Variants in LRRTM1 observed in about 807,000 individuals in gnomAD.
LRRTM1 encodes leucine-rich repeat transmembrane neuronal protein 1.
A neutral mutation model predicts 37.3 loss-of-function variants in LRRTM1; 8 were observed. That is an observed-to-expected ratio of 0.21 (90% confidence interval 0.13 to 0.39). The LOEUF is 0.39. LRRTM1 is among the 10% of genes least tolerant of loss of function. The pLI is 1.00. For missense variants in LRRTM1, 557 were observed against 691.0 expected (o/e 0.81, Z 2.17); for synonymous variants, 326 against 316.8 (o/e 1.03, Z -0.31).
chr2:80,304,081 G>T, intron 1 of LRRTM1, 71 bp downstream of exon 1: 1 of 390,396 alleles, frequency 2.6e-6, no homozygotes. Flanking sequence ...CATGTTAGAT[G>T]CTGCAGCAAA....
chr2:80,303,103 G>A lies in LRRTM1; in HGVS notation c.717C>T (p.Cys239=). 1 of 1,614,110 alleles carries A rather than the reference G, an allele frequency of 6.2e-7. No individual in the cohort carries two copies. The highest frequency in any genetic ancestry group is 8.5e-7 in the Non-Finnish European group (1 of 1,180,044). The stretch of plus-strand genomic sequence containing the variant: ...CAATGGCCACCTTGTTCCTCCGCAG[G>A]CAGAGCGAGTGCAGGGAGATGAGGC... ...FPRLISLHSL[C]LRRNKVAIVV... The change falls in exon 2 of 2, where the codon TGC becomes TGT. Residue 239 remains cysteine (C), a synonymous_variant. Coordinates refer to ENST00000295057, the MANE Select transcript of LRRTM1 (RefSeq NM_178839.5). This position sits in a 1 kb window ranked among gnomAD's most constrained non-coding sequence, Gnocchi z 7.7.
At chr2:80,292,796 T>A (rs1675380341) in intron 2 of LRRTM1, among the ~76,000 whole-genome samples, 1 of 152,246 alleles carries the variant, frequency 6.6e-6, no homozygotes, top group Non-Finnish European at 1.5e-5. Context: ...TTTGATTGAA[T>A]GAGTTGAGCA....
chr2:80,290,704 T>A (rs1341006813), intron 2 of LRRTM1, among the ~76,000 whole-genome samples: 2 of 152,172 alleles, frequency 1.3e-5, no homozygotes, highest in East Asian at 3.9e-4. Flanking sequence ...CAAAAATTAG[T>A]ACAATTTATT....
At position 80,302,259 on chromosome 2, in the gene LRRTM1, C is replaced by T; in HGVS notation, c.1561G>A (p.Glu521Lys). ...TCHQQPAREC[E>K]V ...GAGAGCCACTGGGACAATCACACCT[C>T]GCATTCCCTCGCGGGCTGCTGGTGG... Residue 521 changes from glutamate to lysine, a missense_variant, in exon 2 of 2, where the codon GAG (glutamate) becomes AAG (lysine). By Grantham distance (56) the Glu-to-Lys change is moderately conservative. This residue lies in a region of LRRTM1 where 90 missense variants were observed against 149.4 expected (regional missense o/e 0.60). Coordinates refer to ENST00000295057, the MANE Select transcript of LRRTM1 (RefSeq NM_178839.5). This position sits in a 1 kb window ranked among gnomAD's most constrained non-coding sequence, Gnocchi z 6.4. 6.2e-7 allele frequency: 1 copy of T among 1,612,770 alleles called. No individual in the cohort carries two copies. Among genetic ancestry groups the T allele is most frequent in the Non-Finnish European group, 8.5e-7 (1 of 1,179,362 alleles).
intron 2 of LRRTM1, among the ~76,000 whole-genome samples, chr2:80,295,178 T>C (rs534250019): frequency 6.3e-4 from 95 of 151,638 alleles, no homozygotes; most frequent in African/African-American, 2.2e-3. Context: ...CTAATATCCA[T>C]TGTGGCCACT....
downstream of LRRTM1, chr2:80,301,816 T>A (rs1289574120): frequency 6.5e-6 from 1 of 153,862 alleles, no homozygotes; most frequent in African/African-American, 2.4e-5. Context: ...CCAAGGAAAT[T>A]TTAACTGTTG....
chr2:80,302,257 C>T lies in LRRTM1; in HGVS notation c.1563G>A (p.Glu521=), dbSNP rs1676395997. 1 of 1,612,460 alleles carries T rather than the reference C, an allele frequency of 6.2e-7. No homozygotes were observed. The highest frequency in any genetic ancestry group is 1.3e-5 in the African/African-American group (1 of 74,912). ...TTGAGAGCCACTGGGACAATCACAC[C>T]TCGCATTCCCTCGCGGGCTGCTGGT... ...TCHQQPAREC[E]V is the part of the protein sequence containing the mutation. The change falls in exon 2 of 2, where the codon GAG becomes GAA. Residue 521 remains glutamate (E), a synonymous_variant. Transcript: ENST00000295057. The surrounding 1 kb of genome is among the most constrained non-coding windows in gnomAD (Gnocchi z 6.4).
At position 80,302,091 on chromosome 2, in the gene LRRTM1, A is replaced by G; in HGVS notation, c.*160T>C. 1.0e-6 allele frequency: 1 copy of G among 987,254 alleles called. No individual in the cohort carries two copies. The highest frequency in any genetic ancestry group is 1.9e-5 in the South Asian group (1 of 51,848). The allele number at this position is 987,254 out of a possible 1,614,324, so 61.2% of individuals were successfully genotyped here. On this transcript the variant is annotated 3_prime_UTR_variant, in exon 2 of 2. Coordinates refer to ENST00000295057, the MANE Select transcript of LRRTM1 (RefSeq NM_178839.5). This position sits in a 1 kb window ranked among gnomAD's most constrained non-coding sequence, Gnocchi z 6.4. ...AATTCGCTTTTGTTTTTAAGACACA[A>G]TAAAGCTAAAATGTCAAGTCTCTGG...
intron 2 of LRRTM1, among the ~76,000 whole-genome samples, chr2:80,294,582 G>A (rs544748174): frequency 1.5e-4 from 23 of 152,168 alleles, no homozygotes; most frequent in Non-Finnish European, 2.5e-4. Flanking sequence ...TAGGCAACCC[G>A]CTAGCTCAGT....
At chr2:80,296,979 G>A (rs959663198), downstream of LRRTM1, among the ~76,000 whole-genome samples, 3 of 152,174 alleles carry the variant, frequency 2.0e-5, no homozygotes, top group Middle Eastern at 6.3e-3. Context: ...ATAACATATG[G>A]ATGTCTCTAC....
chr2:80,291,932 A>T (rs1675299143), intron 2 of LRRTM1, among the ~76,000 whole-genome samples: 1 of 152,344 alleles, frequency 6.6e-6, no homozygotes, highest in South Asian at 2.1e-4. Context: ...TGTATGGGCT[A>T]AGGCCTGGCC....
downstream of LRRTM1, chr2:80,299,544 C>CTT (rs1676057621): frequency 6.6e-6 from 1 of 152,160 alleles, no homozygotes; most frequent in Non-Finnish European, 1.5e-5. Flanking sequence ...TCTTAAGCTC[C>CTT]CAGATTGCAG....
At position 80,302,529 on chromosome 2, in the gene LRRTM1, C is replaced by T. The variant is rs1254980586; in HGVS notation, c.1291G>A (p.Gly431Ser). The T allele has an allele frequency of 1.2e-6, 2 of 1,611,828 alleles. No individual in the cohort carries two copies. The highest frequency in any genetic ancestry group is 1.7e-6 in the Non-Finnish European group (2 of 1,179,960). Residue 431 changes from glycine to serine, a missense_variant, in exon 2 of 2, where the codon GGC (glycine) becomes AGC (serine). By Grantham distance (56) the Gly-to-Ser change is moderately conservative. Transcript: ENST00000295057. The surrounding 1 kb of genome is among the most constrained non-coding windows in gnomAD (Gnocchi z 6.4). Reference protein sequence around the residue: ...NAVQIHKVVTGTMALIFSFLI... With the variant: ...NAVQIHKVVTSTMALIFSFLI... ...AAGGAGAAGATGAGGGCCATGGTGC[C>T]CGTGACCACCTTGTGGATCTGCACG...
chr2:80,295,240 G>A (rs200014385), intron 2 of LRRTM1, among the ~76,000 whole-genome samples: 33 of 112,168 alleles, frequency 2.9e-4, no homozygotes, highest in African/African-American at 1.1e-3. Context: ...TTTTTTTTTT[G>A]TGGGTAGGGG....
At chr2:80,293,834 A>C (rs891992826) in intron 2 of LRRTM1, among the ~76,000 whole-genome samples, 1 of 152,126 alleles carries the variant, frequency 6.6e-6, no homozygotes, top group Non-Finnish European at 1.5e-5. Flanking sequence ...GAAAGAATTG[A>C]TGCCTATTTG....
Position 80,303,700 on chromosome 2 carries a change from C to T in LRRTM1, c.120G>A (p.Pro40=), listed in dbSNP as rs1676606816. Residue 40 remains proline, a synonymous_variant, in exon 2 of 2, where the codon CCG becomes CCA. Transcript: ENST00000295057. The surrounding 1 kb of genome is among the most constrained non-coding windows in gnomAD (Gnocchi z 7.7). ...GCCGCCCCTCGCACCGGCACAGCTG[C>T]GGGCACCCGCTGGGGGCGGCGGGCA... is the stretch of plus-strand genomic sequence containing the variant. ...QMLPAAPSGC[P]QLCRCEGRLL... The T allele has an allele frequency of 6.2e-7, 1 of 1,609,594 alleles. No individual in the cohort carries two copies. Among genetic ancestry groups the T allele is most frequent in the Admixed American group, 1.7e-5 (1 of 59,712 alleles).
At chr2:80,288,505 A>T (rs1674966487) in exon 3 of LRRTM1, 2 of 152,232 alleles carry the variant, frequency 1.3e-5, no homozygotes, top group Non-Finnish European at 2.9e-5. Context: ...GCTGTTTATT[A>T]CAGATGTGCT....
At position 80,302,440 on chromosome 2, in the gene LRRTM1, G is replaced by T; in HGVS notation, c.1380C>A (p.Leu460=). Residue 460 remains leucine, a synonymous_variant, in exon 2 of 2, where the codon CTC becomes CTA. Coordinates refer to ENST00000295057, the MANE Select transcript of LRRTM1 (RefSeq NM_178839.5). The surrounding 1 kb of genome is among the most constrained non-coding windows in gnomAD (Gnocchi z 6.4). ...WKCFPASLRQ[L]RQCFVTQRRK... is the part of the protein sequence containing the mutation. ...TGCGCTGCGTGACAAAGCACTGTCT[G>T]AGCTGCCTGAGGCTGGCTGGGAAAC... 6.2e-7 allele frequency: 1 copy of T among 1,614,252 alleles called. No individual in the cohort carries two copies. Among genetic ancestry groups the T allele is most frequent in the Non-Finnish European group, 8.5e-7 (1 of 1,180,046 alleles).
chr2:80,294,083 C>A (rs1005598130), intron 2 of LRRTM1, among the ~76,000 whole-genome samples: 3 of 152,000 alleles, frequency 2.0e-5, no homozygotes, highest in Non-Finnish European at 2.9e-5. Flanking sequence ...ATGACACAAC[C>A]AATCAGAGAA....
Sources: gnomAD v4.1 joint callset for allele counts (sites outside exome capture counted in the v4.1 genomes callset) on GRCh38, gnomAD v4.1.1 for gene constraint, gnomAD v4.1.1 regional missense constraint, Gnocchi (gnomAD v3.1) non-coding constraint, MANE v1.5 for transcripts, NCBI Gene and HGNC (gene_info 2026-07-23, HGNC 2026-07-21) for gene names.